APP: variants seen among roughly 807,000 people sequenced by gnomAD.
APP encodes the protein amyloid beta precursor protein.
APP carries 31 observed loss-of-function variants against 101.4 expected under a neutral mutation model. That is an observed-to-expected ratio of 0.31 (90% confidence interval 0.23 to 0.41). APP has a LOEUF of 0.41. Ranked by LOEUF, APP falls within the 10% of genes least tolerant of loss-of-function variation. The probability of loss-of-function intolerance (pLI) is 1.00; values close to 1 mark genes in which losing one functional copy is unlikely to be tolerated. For synonymous variants in APP, 366 were observed against 364.4 expected, an observed-to-expected ratio of 1.00 and a Z score of -0.05; for missense variants, 839 against 1,003.7, an observed-to-expected ratio of 0.84 and a Z score of 2.22.
chr21:25,930,050 T>G (rs2040074647), intron 13 of APP, among the ~76,000 whole-genome samples: 1 of 152,198 alleles, frequency 6.6e-6, no homozygotes, highest in Non-Finnish European at 1.5e-5. Flanking sequence ...TCCAGCTGCG[T>G]GCTGGACTGA....
At chr21:26,098,101 AAAAG>A (rs1196313119) in intron 2 of APP, among the ~76,000 whole-genome samples, 1 of 149,202 alleles carries the variant, frequency 6.7e-6, no homozygotes, top group Non-Finnish European at 1.5e-5. Flanking sequence ...AAAAAAAAAA[AAAAG>A]AGTGCATAAG....
At chr21:25,881,858 CA>C (rs2037008500) in intron 17 of APP, 87 bp from the exon 18 acceptor site, 2 of 1,315,922 alleles carry the variant, frequency 1.5e-6, no homozygotes, top group Admixed American at 3.7e-5. Flanking sequence ...ATAAGGAGTA[CA>C]GTACTCTTCT....
chr21:26,011,906 A>C (rs1364138357), intron 6 of APP, among the ~76,000 whole-genome samples: 1 of 152,210 alleles, frequency 6.6e-6, no homozygotes. Flanking sequence ...GAACATATAT[A>C]AATTTAAGAA....
chr21:25,883,527 C>T (rs2037129247), intron 17 of APP, among the ~76,000 whole-genome samples: 1 of 151,936 alleles, frequency 6.6e-6, no homozygotes, highest in African/African-American at 2.4e-5. Flanking sequence ...CCATCTTTAA[C>T]AAAAATACAA....
At chr21:26,075,328 G>T (rs537224538) in intron 3 of APP, among the ~76,000 whole-genome samples, 44 of 152,294 alleles carry the variant, frequency 2.9e-4, no homozygotes, top group Admixed American at 4.6e-4. Flanking sequence ...GCAGGAAAGG[G>T]TTAACCATCA....
At chr21:25,927,095 T>G (rs898096539) in intron 13 of APP, among the ~76,000 whole-genome samples, 4 of 151,830 alleles carry the variant, frequency 2.6e-5, no homozygotes, top group Admixed American at 1.3e-4. Context: ...TTTGATAGGT[T>G]TGAAAAAGAA....
At chr21:26,035,244 G>A (rs1037119424) in intron 5 of APP, among the ~76,000 whole-genome samples, 5 of 152,284 alleles carry the variant, frequency 3.3e-5, no homozygotes, top group African/African-American at 1.2e-4. Flanking sequence ...TCCAGCCTAG[G>A]TGACAGAGCA....
At chr21:26,113,945 T>A (rs2830061) in intron 1 of APP, among the ~76,000 whole-genome samples, 13,884 of 152,220 alleles carry the variant, frequency 0.091, 866 homozygotes, top group Admixed American at 0.15. Flanking sequence ...CATCAGATGC[T>A]ATGGAGGGCC....
chr21:25,941,041 A>T (rs925262561), intron 13 of APP, among the ~76,000 whole-genome samples: 1 of 152,190 alleles, frequency 6.6e-6, no homozygotes, highest in Non-Finnish European at 1.5e-5. Flanking sequence ...ATACCTAATA[A>T]TTTGTTTCAG....
intron 3 of APP, among the ~76,000 whole-genome samples, chr21:26,088,749 T>C (rs778083939): frequency 3.3e-5 from 5 of 152,072 alleles, no homozygotes; most frequent in Non-Finnish European, 5.9e-5. Flanking sequence ...CAGAAAAGAG[T>C]TGAGGCCTTA....
intron 1 of APP, among the ~76,000 whole-genome samples, chr21:26,128,745 A>G (rs1031863493): frequency 1.3e-5 from 2 of 152,174 alleles, no homozygotes; most frequent in Non-Finnish European, 2.9e-5. Flanking sequence ...GTAATAATGA[A>G]GTCAGTTTAA....
chr21:26,165,685 G>A (rs904113056), intron 1 of APP, among the ~76,000 whole-genome samples: 1 of 152,106 alleles, frequency 6.6e-6, no homozygotes, highest in African/African-American at 2.4e-5. Flanking sequence ...ATCTTCTTTC[G>A]TAAGATACTG....
At chr21:25,999,854 A>T (rs901620298) in intron 7 of APP, among the ~76,000 whole-genome samples, 161 bp downstream of exon 7, 1 of 152,242 alleles carries the variant, frequency 6.6e-6, no homozygotes, top group African/African-American at 2.4e-5. Context: ...ATGATTGAAC[A>T]TACTGCGGAG....
chr21:26,004,916 C>G (rs1233866086), intron 6 of APP, among the ~76,000 whole-genome samples: 1 of 148,594 alleles, frequency 6.7e-6, no homozygotes, highest in East Asian at 2.0e-4. Context: ...GGTTTTCTGT[C>G]CTTGTGATAG....
intron 11 of APP, among the ~76,000 whole-genome samples, chr21:25,965,195 A>C (rs995516212): frequency 2.6e-5 from 4 of 152,214 alleles, no homozygotes; most frequent in Non-Finnish European, 5.9e-5. Flanking sequence ...GTGTACACTT[A>C]ATGATGAACA....
chr21:26,114,721 T>C (rs1360199128), intron 1 of APP, among the ~76,000 whole-genome samples: 1 of 152,170 alleles, frequency 6.6e-6, no homozygotes, highest in Non-Finnish European at 1.5e-5. Context: ...TGACTTAACT[T>C]CCTTTGATTT....
rs565615824 is a variant in APP at position 26,013,838 on chromosome 21, C to G, written c.865+8002G>C. Among the ~76,000 whole-genome samples the G allele has an allele frequency of 1.8e-4, 27 of 152,250 alleles. No homozygotes were observed. The South Asian group carries it at 5.4e-3, about 30-fold the overall frequency. ...GGCTTTCTAGATTGAGACCATTAAACTACACGGAAAGATGCTTGTCCATGT... is the reference window on the plus strand; with the variant it reads ...GGCTTTCTAGATTGAGACCATTAAAGTACACGGAAAGATGCTTGTCCATGT... On this transcript the variant is annotated intron_variant, in intron 6 of 17. Coordinates refer to ENST00000346798, the MANE Select transcript of APP (RefSeq NM_000484.4).
intron 1 of APP, among the ~76,000 whole-genome samples, chr21:26,114,918 G>GC (rs1292441639): frequency 6.6e-6 from 1 of 151,662 alleles, no homozygotes; most frequent in African/African-American, 2.4e-5. Flanking sequence ...CCATCTGTTG[G>GC]CATATGTGTG....
At chr21:26,154,618 C>A (rs996432741) in intron 1 of APP, among the ~76,000 whole-genome samples, 1 of 152,164 alleles carries the variant, frequency 6.6e-6, no homozygotes, top group African/African-American at 2.4e-5. Flanking sequence ...AACAACCTAA[C>A]GTTAGTACCT....
Sources: allele counts gnomAD v4.1 joint callset (sites outside exome capture counted in the v4.1 genomes callset), GRCh38; gene constraint gnomAD v4.1.1; transcripts MANE v1.5; gene names NCBI Gene and HGNC (gene_info 2026-07-23, HGNC 2026-07-21).